KLF12: variants seen among roughly 807,000 people sequenced by gnomAD.
KLF12 encodes KLF transcription factor 12.
In KLF12, 9 loss-of-function variants were observed where a neutral mutation model predicts 37.8. That is an observed-to-expected ratio of 0.24 (90% CI 0.14 to 0.42). The LOEUF (loss-of-function observed/expected upper bound fraction) is 0.42, where lower values mean the gene tolerates loss of function less well. KLF12 is among the 10% of genes least tolerant of loss of function. KLF12 has a pLI of 1.00. For synonymous variants in KLF12, 208 were observed against 202.1 expected (o/e 1.03, Z -0.25); for missense variants, 411 against 516.0 (o/e 0.80, Z 1.97).
chr13:73,753,011 CA>C (rs777997565), intron 6 of KLF12, among the ~76,000 whole-genome samples: 126 of 152,150 alleles, frequency 8.3e-4, no homozygotes, highest in Admixed American at 2.0e-3. Context: ...CTTGGCCTCC[CA>C]AAGTGCTGGG....
Position 74,044,310 on chromosome 13 carries a change from G to A in KLF12, c.-31-49257C>T, listed in dbSNP as rs548272710. Among the ~76,000 whole-genome samples, 3 of 152,110 alleles carry A rather than the reference G, an allele frequency of 2.0e-5. No individual in the cohort carries two copies. In the East Asian group the frequency reaches 5.8e-4, roughly 29 times the overall value. On this transcript the variant is annotated intron_variant, in intron 1 of 7. Transcript: ENST00000377669. ...AATGCCTGCCTTGCAACACCCCAGT[G>A]GCAACAAACACACCCCGCACCCAGA...
chr13:74,200,672 T>A, the KLF12 span, among the ~76,000 whole-genome samples: 1 of 152,024 alleles, frequency 6.6e-6, no homozygotes. Context: ...AAACTGGACA[T>A]AGAGATCATC....
upstream of KLF12, among the ~76,000 whole-genome samples, chr13:74,136,466 G>A (rs1265383141): frequency 1.3e-5 from 2 of 152,204 alleles, no homozygotes; most frequent in Non-Finnish European, 2.9e-5. Context: ...CTCTAGGTGG[G>A]GCAGGGAGTG....
chr13:74,139,107 A>C, the KLF12 span, among the ~76,000 whole-genome samples: 1 of 152,150 alleles, frequency 6.6e-6, no homozygotes, highest in Non-Finnish European at 1.5e-5. Context: ...CCACCTACTT[A>C]AATAACATTT....
chr13:74,159,344 C>T, the KLF12 span, among the ~76,000 whole-genome samples: 1 of 152,174 alleles, frequency 6.6e-6, no homozygotes. Flanking sequence ...CAAGACAAGT[C>T]ATACAAGTGT....
intron 3 of KLF12, among the ~76,000 whole-genome samples, chr13:73,847,747 C>G (rs1182506688): frequency 1.3e-5 from 2 of 152,018 alleles, no homozygotes; most frequent in Admixed American, 1.3e-4. Context: ...GTATGAAATT[C>G]TAAATGACAA....
intron 1 of KLF12, among the ~76,000 whole-genome samples, chr13:74,034,920 T>A (rs1893210109): frequency 1.3e-5 from 2 of 152,246 alleles, no homozygotes; most frequent in Admixed American, 1.3e-4. Context: ...CCAACCCATA[T>A]ACCTCTGTTC....
the KLF12 span, among the ~76,000 whole-genome samples, chr13:74,154,150 G>A: frequency 1.3e-5 from 2 of 151,666 alleles, no homozygotes; most frequent in Admixed American, 1.3e-4. Flanking sequence ...CAGGGGAATT[G>A]CTTGAACCTG....
chr13:73,909,822 G>C (rs1888486259), intron 3 of KLF12, among the ~76,000 whole-genome samples: 1 of 152,140 alleles, frequency 6.6e-6, no homozygotes, highest in African/African-American at 2.4e-5. Flanking sequence ...TGTCCAAATA[G>C]CTTAAGGGAA....
the KLF12 span, among the ~76,000 whole-genome samples, chr13:74,288,760 T>C: frequency 6.6e-6 from 1 of 152,136 alleles, no homozygotes; most frequent in Non-Finnish European, 1.5e-5. Context: ...AGAAAAGAGC[T>C]GAACAGTGAT....
intron 1 of KLF12, among the ~76,000 whole-genome samples, chr13:74,133,350 TA>T (rs1182033243): frequency 6.6e-6 from 1 of 151,310 alleles, no homozygotes; most frequent in Admixed American, 6.6e-5. Context: ...CCTGGGGTTT[TA>T]TTTCACATCC....
intron 1 of KLF12, among the ~76,000 whole-genome samples, chr13:74,071,458 G>A (rs892228246): frequency 6.6e-6 from 1 of 152,008 alleles, no homozygotes; most frequent in Non-Finnish European, 1.5e-5. Context: ...AGGGTGAGGT[G>A]GGCGGATCAC....
Position 74,094,637 on chromosome 13 carries a change from T to C in KLF12, c.-32+39102A>G, listed in dbSNP as rs114043885. On this transcript the variant is annotated intron_variant, in intron 1 of 7. Coordinates refer to ENST00000377669, the MANE Select transcript of KLF12 (RefSeq NM_007249.5). ...TTTTTTGAGATGGAGTATCACTCTG[T>C]TGCCCAGACTGGAGGGCAGCGGCCC... 1.4e-3 allele frequency among the ~76,000 whole-genome samples: 211 copies of C among 151,956 alleles called. 2 individuals are homozygous for C. Among genetic ancestry groups the C allele is most frequent in the African/African-American group, 4.9e-3 (203 of 41,430 alleles).
chr13:74,183,756 G>A, the KLF12 span, among the ~76,000 whole-genome samples: 1 of 152,038 alleles, frequency 6.6e-6, no homozygotes, highest in South Asian at 2.1e-4. Context: ...GCCAATATAG[G>A]GAAACCCCGT....
chr13:74,266,826 T>C, the KLF12 span, among the ~76,000 whole-genome samples: 4 of 152,228 alleles, frequency 2.6e-5, no homozygotes, highest in African/African-American at 7.2e-5. Context: ...GAAGAAGTCA[T>C]AGATTGAGTT....
chr13:74,205,872 A>G, the KLF12 span, among the ~76,000 whole-genome samples: 1 of 152,132 alleles, frequency 6.6e-6, no homozygotes, highest in Non-Finnish European at 1.5e-5. Context: ...TATAGTAGGG[A>G]GAGAAAATTG....
At chr13:74,117,742 G>A (rs1311403286) in intron 1 of KLF12, among the ~76,000 whole-genome samples, 5 of 152,160 alleles carry the variant, frequency 3.3e-5, no homozygotes, top group Non-Finnish European at 7.3e-5. Context: ...ATGTGATATT[G>A]TTTTCCAATA....
intron 6 of KLF12, among the ~76,000 whole-genome samples, chr13:73,719,251 C>G (rs1408234296): frequency 1.3e-5 from 2 of 152,144 alleles, no homozygotes; most frequent in Non-Finnish European, 2.9e-5. Flanking sequence ...TCCAAGAGTG[C>G]TGCGTTGTGT....
chr13:74,228,263 T>C, the KLF12 span, among the ~76,000 whole-genome samples: 2 of 152,014 alleles, frequency 1.3e-5, no homozygotes, highest in Non-Finnish European at 2.9e-5. Flanking sequence ...CTATATTATA[T>C]AGTAGAAACA....
Sources: allele counts gnomAD v4.1 joint callset (sites outside exome capture counted in the v4.1 genomes callset), GRCh38; gene constraint gnomAD v4.1.1; transcripts MANE v1.5; gene names NCBI Gene and HGNC (gene_info 2026-07-23, HGNC 2026-07-21).